The following POLG variants were observed in gnomAD, a reference collection of about 807,000 sequenced individuals.
POLG encodes DNA polymerase subunit gamma-1.
Under a neutral mutation model 155.4 loss-of-function variants are expected in POLG, and 110 were observed. That is an observed-to-expected ratio of 0.71 (90% CI 0.61 to 0.83). POLG has a LOEUF of 0.83. POLG is among the 40% of genes least tolerant of loss of function. POLG has a pLI of 0.00. For missense variants in POLG, 1,685 were observed against 1,627.5 expected, an observed-to-expected ratio of 1.04 and a Z score of -0.61; for synonymous variants, 701 against 631.5, an observed-to-expected ratio of 1.11 and a Z score of -1.65.
Position 89,322,758 on chromosome 15 carries a change from C to T in POLG, c.2410G>A (p.Ala804Thr), listed in dbSNP as rs543602541. 1.9e-6 allele frequency: 3 copies of T among 1,614,084 alleles called. No individual in the cohort carries two copies. Among genetic ancestry groups the T allele is most frequent in the Non-Finnish European group, 2.5e-6 (3 of 1,179,990 alleles). The change falls in exon 14 of 23, where the codon GCC (alanine) becomes ACC (threonine). Residue 804 changes from alanine (A) to threonine (T), a missense_variant. Physicochemically the swap from Ala to Thr is moderately conservative, Grantham distance 58 (BLOSUM62 0). This residue lies in a region of POLG where 1,210 missense variants were observed against 1,167.1 expected (regional missense o/e 1.04). Transcript: ENST00000268124. ...INKMISFWRN[A>T]HKRISSQMVV... is the part of the protein sequence containing the mutation. ...GTGGCCCACCTGATACGTTTATGGG[C>T]GTTCCTCCAGAAAGAAATCATTTTG...
At chr15:89,322,047 A>G (rs370336034) in intron 14 of POLG, 32 bp from the exon 15 acceptor site, 5 of 1,606,624 alleles carry the variant, frequency 3.1e-6, no homozygotes, top group Non-Finnish European at 2.6e-6. Context: ...GGCTCAGCAC[A>G]GCCATGGGAA....
In POLG at chr15:89,325,636, C is replaced by A; in HGVS notation, c.1763G>T (p.Gly588Val). ...CATCTGCAGGCTGAGGAGGCTGGGG[C>A]CCGGGGTCCATGCAGGGTCGTCTAG... ...PRLDDPAWTP[G>V]PSLLSLQMRV... The change falls in exon 10 of 23, where the codon GGC (glycine) becomes GTC (valine). Residue 588 changes from glycine to valine, a missense_variant. By Grantham distance (109) the Gly-to-Val change is moderately radical (BLOSUM62 -3). Coordinates refer to ENST00000268124, the MANE Select transcript of POLG (RefSeq NM_002693.3). 6.2e-7 allele frequency: 1 copy of A among 1,612,768 alleles called. No homozygotes were observed. Among genetic ancestry groups the A allele is most frequent in the Non-Finnish European group, 8.5e-7 (1 of 1,180,010 alleles).
At chr15:89,325,251 A>AGAGTGAGTGAGAGAGTGAGTGAGT (rs1382112698) in intron 10 of POLG, among the ~76,000 whole-genome samples, 199 bp downstream of exon 10, 1 of 79,676 alleles carries the variant, frequency 1.3e-5, no homozygotes, top group East Asian at 2.9e-4. Context: ...AGTGAGTGAG[A>AGAGTGAGTGAGAGAGTGAGTGAGT]GAGAGAGTGA....
intron 2 of POLG, among the ~76,000 whole-genome samples, chr15:89,330,731 C>CA (rs746090028): frequency 0.05 from 5,907 of 117,806 alleles, 288 homozygotes; most frequent in African/African-American, 0.16. Context: ...ATTGAATTGG[C>CA]AAAAAAAAAA....
intron 2 of POLG, among the ~76,000 whole-genome samples, chr15:89,330,517 C>G (rs1378793512): frequency 1.3e-5 from 2 of 152,186 alleles, no homozygotes; most frequent in Non-Finnish European, 2.9e-5. Context: ...AATGGAACTA[C>G]TGGGCTATTA....
chr15:89,318,318 G>C (rs920470323), intron 21 of POLG, among the ~76,000 whole-genome samples: 1 of 151,874 alleles, frequency 6.6e-6, no homozygotes, highest in African/African-American at 2.4e-5. Flanking sequence ...GATCAGTCTT[G>C]GTATTTCACA....
rs2141814867 is a variant in POLG, at chr15:89,333,325, G to C, written c.430C>G (p.Gln144Glu). ...NLDQHFRLLA[Q>E]KQSLPYLEAA... ...TCCAGGTAGGGCAGGCTCTGCTTCT[G>C]GGCCAGGAGGCGGAAGTGCTGGTCC... The change falls in exon 2 of 23, where the codon CAG becomes GAG. Residue 144 changes from glutamine to glutamate, a missense_variant. This residue lies in a region of POLG where 1,210 missense variants were observed against 1,167.1 expected (regional missense o/e 1.04). Coordinates refer to ENST00000268124, the MANE Select transcript of POLG (RefSeq NM_002693.3). The C allele has an allele frequency of 3.8e-6, 6 of 1,558,814 alleles. No individual in the cohort carries two copies. Among genetic ancestry groups the C allele is most frequent in the Non-Finnish European group, 5.2e-6 (6 of 1,152,296 alleles).
Position 89,318,657 on chromosome 15 carries a change from C to T in POLG, c.3366G>A (p.Glu1122=), listed in dbSNP as rs2055344213. 3 of 1,614,080 alleles carry T rather than the reference C, an allele frequency of 1.9e-6. No individual in the cohort carries two copies. The highest frequency in any genetic ancestry group is 1.1e-5 in the South Asian group (1 of 91,090). ...TGCAGAAGCGCCCATCTATGGCAAACTCTTCAAACAGCCACTTCATGGCCA... is the reference window on the plus strand; with the variant it reads ...TGCAGAAGCGCCCATCTATGGCAAATTCTTCAAACAGCCACTTCATGGCCA... ...MLVAMKWLFE[E]FAIDGRFCIS... The change falls in exon 21 of 23, where the codon GAG becomes GAA. Residue 1122 remains glutamate (E), a synonymous_variant. Transcript: ENST00000268124.
In POLG at chr15:89,333,913, C is replaced by G. The variant is rs1370915340; in HGVS notation, c.-159G>C. ...ACCATGCCTGCCTTCCACCCCAAAT[C>G]CTAAAGGAGACAGATGATATAAAGC... On this transcript the variant is annotated splice_region_variant and 5_prime_UTR_variant, in exon 2 of 23. Transcript: ENST00000268124. 3 of 757,800 alleles carry G rather than the reference C, an allele frequency of 4.0e-6. No homozygotes were observed. The African/African-American group carries it at 5.2e-5, about 13-fold the overall frequency. The allele number at this position is 757,800 out of a possible 1,614,324, so 46.9% of individuals were successfully genotyped here.
intron 2 of POLG, among the ~76,000 whole-genome samples, chr15:89,330,777 G>C (rs898130451): frequency 6.6e-6 from 1 of 151,098 alleles, no homozygotes; most frequent in Non-Finnish European, 1.5e-5. Flanking sequence ...TGTACAGGAT[G>C]AATCATCTCA....
chr15:89,321,210 G>C lies in POLG; in HGVS notation c.2649C>G (p.Gly883=). The part of the protein sequence containing the change: ...ELKAMVQAPP[G]YTLVGADVDS... ...CCACATCAGCACCCACAAGGGTGTA[G>C]CCAGGTGGGGCCTGCACCATGGCTT... Residue 883 remains glycine (G), a synonymous_variant, in exon 17 of 23, where the codon GGC becomes GGG. Coordinates refer to ENST00000268124, the MANE Select transcript of POLG (RefSeq NM_002693.3). 1 of 1,614,164 alleles carries C rather than the reference G, an allele frequency of 6.2e-7. No individual in the cohort carries two copies. The highest frequency in any genetic ancestry group is 8.5e-7 in the Non-Finnish European group (1 of 1,179,972).
chr15:89,321,019 G>C lies in POLG; in HGVS notation c.2735-7C>G, dbSNP rs200372494. On this transcript the variant is annotated splice_region_variant and splice_polypyrimidine_tract_variant and intron_variant, in intron 17 of 22. Coordinates refer to ENST00000268124, the MANE Select transcript of POLG (RefSeq NM_002693.3). ...CACCCAAAGGCTGTGCAGCCTGGAA[G>C]ACAAGCAGGAGTGAGAAAAGCAGCT... 1,056 of 1,614,124 alleles carry C rather than the reference G, an allele frequency of 6.5e-4. 6 individuals carry two copies. The highest frequency in any genetic ancestry group is 4.9e-4 in the Non-Finnish European group (580 of 1,180,046).
chr15:89,325,561 T>C lies in POLG; in HGVS notation c.1838A>G (p.His613Arg). Reference sequence around the variant, plus strand: ...GCCCCAGCCATGACGCTCTGAGTAGTGCAGAGGGAAGCCATCCCAGGTAAG... The same window carrying C: ...GCCCCAGCCATGACGCTCTGAGTAGCGCAGAGGGAAGCCATCCCAGGTAAG... ...MALTWDGFPL[H>R]YSERHGWGYL... The change falls in exon 10 of 23, where the codon CAC (histidine) becomes CGC (arginine). Residue 613 changes from histidine (H) to arginine (R), a missense_variant. Physicochemically the swap from His to Arg is conservative, Grantham distance 29 (BLOSUM62 0). Coordinates refer to ENST00000268124, the MANE Select transcript of POLG (RefSeq NM_002693.3). 1.3e-5 allele frequency: 21 copies of C among 1,613,698 alleles called. No individual in the cohort carries two copies. The highest frequency in any genetic ancestry group is 1.6e-5 in the Non-Finnish European group (19 of 1,180,000).
Position 89,316,451 on chromosome 15 carries a change from A to G in POLG, c.*300T>C. ...CAAAGAACCAGCCAAGAAGAAAAGG[A>G]AAAAATAAATGAAATGCCTGAGTTA... is the stretch of plus-strand genomic sequence containing the variant. On this transcript the variant is annotated 3_prime_UTR_variant, in exon 23 of 23. Coordinates refer to ENST00000268124, the MANE Select transcript of POLG (RefSeq NM_002693.3). 1 of 1,610,680 alleles carries G rather than the reference A, an allele frequency of 6.2e-7. No individual in the cohort carries two copies. The highest frequency in any genetic ancestry group is 1.1e-5 in the South Asian group (1 of 90,516).
rs752073900 is a variant in POLG, at chr15:89,324,219, T to A, written c.1958A>T (p.Glu653Val). Reference sequence around the variant, plus strand: ...GAGACAGTGCTTCCTGTACAGGGACTCGATGGCTCTGGGCAGAGAACAGTA... The same window carrying A: ...GAGACAGTGCTTCCTGTACAGGGACACGATGGCTCTGGGCAGAGAACAGTA... ...AGVVCPYRAI[E>V]SLYRKHCLEQ... Residue 653 changes from glutamate (E) to valine (V), a missense_variant, in exon 11 of 23, where the codon GAG (glutamate) becomes GTG (valine). Around this residue, in one of 3 missense-constraint regions of POLG, gnomAD observed 1,210 missense variants for 1,167.1 expected, o/e 1.04. Transcript: ENST00000268124. The A allele has an allele frequency of 1.1e-5, 17 of 1,612,696 alleles. No individual in the cohort carries two copies. In the South Asian group the frequency reaches 1.9e-4, roughly 18 times the overall value.
chr15:89,319,477 G>T lies in POLG; in HGVS notation c.2982-127C>A. The T allele has an allele frequency of 2.3e-6, 3 of 1,304,206 alleles. 1 individual carries two copies. The highest frequency in any genetic ancestry group is 3.7e-4 in the Middle Eastern group (2 of 5,442). The allele number at this position is 1,304,206 out of a possible 1,614,324, so 80.8% of individuals were successfully genotyped here. A position where few individuals can be genotyped will look rare whatever the true frequency, so the allele number is the denominator to read the frequency against. ...CTGACATCATGCCAGTCCCCTAAAGGCTTTTATTCAGAGGAAGAAACGGCT... is the reference window on the plus strand; with the variant it reads ...CTGACATCATGCCAGTCCCCTAAAGTCTTTTATTCAGAGGAAGAAACGGCT... On this transcript the variant is annotated intron_variant, in intron 18 of 22. Transcript: ENST00000268124.
chr15:89,330,503 T>C (rs764720886), intron 2 of POLG, among the ~76,000 whole-genome samples: 3 of 152,136 alleles, frequency 2.0e-5, no homozygotes, highest in African/African-American at 2.4e-5. Flanking sequence ...CTTCTGCACA[T>C]AAAAATGGAA....
intron 10 of POLG, among the ~76,000 whole-genome samples, chr15:89,325,233 AGAGAGT>A (rs1567189905): frequency 9.6e-6 from 1 of 104,072 alleles, no homozygotes; most frequent in African/African-American, 5.1e-5. Context: ...AGAGTGAGTG[AGAGAGT>A]GAGTGAGTGA....
Position 89,316,453 on chromosome 15 carries a change from AAAAT to A in POLG, c.*294_*297del, listed in dbSNP as rs1170252316. ...AAGAACCAGCCAAGAAGAAAAGGAAAAAATAAATGAAATGCCTGAGTTAATGTGA... is the reference window on the plus strand; with the variant it reads ...AAGAACCAGCCAAGAAGAAAAGGAAAAAATGAAATGCCTGAGTTAATGTGA... On this transcript the variant is annotated 3_prime_UTR_variant, in exon 23 of 23. Transcript: ENST00000268124. 2.5e-6 allele frequency: 4 copies of A among 1,609,820 alleles called. No individual in the cohort carries two copies. The highest frequency in any genetic ancestry group is 2.5e-6 in the Non-Finnish European group (3 of 1,177,434).
Sources: allele counts gnomAD v4.1 joint callset (sites outside exome capture counted in the v4.1 genomes callset), GRCh38; gene constraint gnomAD v4.1.1; regional missense constraint gnomAD v4.1.1; transcripts MANE v1.5; gene names NCBI Gene and HGNC (gene_info 2026-07-23, HGNC 2026-07-21).